COL16A1: variants seen among roughly 807,000 people sequenced by gnomAD.
COL16A1 encodes the protein collagen type XVI alpha 1 chain.
COL16A1 carries 189 observed loss-of-function variants against 266.3 expected under a neutral mutation model. That is an observed-to-expected ratio of 0.71 (90% CI 0.63 to 0.80). The LOEUF (loss-of-function observed/expected upper bound fraction) is 0.80. Among genes scored for constraint, COL16A1 ranks in the 30% least tolerant of loss-of-function variants. The pLI is 0.00. For missense variants in COL16A1, 1,928 were observed against 2,122.4 expected (o/e 0.91, Z 1.80); for synonymous variants, 740 against 782.3 (o/e 0.95, Z 0.90).
In COL16A1 at chr1:31,698,526, G is replaced by A. The variant is rs34091659; in HGVS notation, c.347C>T (p.Thr116Met). The change falls in exon 5 of 71, where the codon ACG becomes ATG. Residue 116 changes from threonine to methionine, a missense_variant. Around this residue, in one of 2 missense-constraint regions of COL16A1, gnomAD observed 1,552 missense variants for 1,637.2 expected, o/e 0.95. Coordinates refer to ENST00000373672, the MANE Select transcript of COL16A1 (RefSeq NM_001856.4). The surrounding 1 kb of genome is among the most constrained non-coding windows in gnomAD (Gnocchi z 4.1). Reference sequence around the variant, plus strand: ...ATCGGTCACTTGAAACAGATACCACGTCTTCTGGTGGGTGTGTTTCTTCAG... The same window carrying A: ...ATCGGTCACTTGAAACAGATACCACATCTTCTGGTGGGTGTGTTTCTTCAG... ...LLLKKHTHQK[T>M]WYLFQVTDAN... 1.1e-3 allele frequency: 1,759 copies of A among 1,614,108 alleles called. 15 individuals carry two copies. In the African/African-American group the frequency reaches 0.02, roughly 19 times the overall value.
chr1:31,695,079 G>A, intron 11 of COL16A1, 107 bp downstream of exon 11: 1 of 1,174,576 alleles, frequency 8.5e-7, no homozygotes, highest in South Asian at 1.3e-5. Flanking sequence ...GTGTGAAAGT[G>A]TACAAAGACC....
In COL16A1 at chr1:31,668,890, C is replaced by T. The variant is rs2271929; in HGVS notation, c.3196-35G>A. 4.4e-6 allele frequency: 7 copies of T among 1,603,118 alleles called. No individual in the cohort carries two copies. The highest frequency in any genetic ancestry group is 1.7e-5 in the Admixed American group (1 of 59,200). The stretch of plus-strand genomic sequence containing the variant: ...AAAAATCATGAGAAACTGCAGGAGC[C>T]GGCGGTCCCCACCCAGCCCCTGACT... On this transcript the variant is annotated intron_variant, in intron 49 of 70. Coordinates refer to ENST00000373672, the MANE Select transcript of COL16A1 (RefSeq NM_001856.4). This position sits in a 1 kb window ranked among gnomAD's most constrained non-coding sequence, Gnocchi z 5.8.
At chr1:31,659,020 G>GCCTCCC in intron 62 of COL16A1, 56 bp from the exon 63 acceptor site, 2 of 1,492,610 alleles carry the variant, frequency 1.3e-6, no homozygotes, top group Non-Finnish European at 1.8e-6. Context: ...AGACCCCTGG[G>GCCTCCC]AGGCACAGGG....
chr1:31,668,108 C>T lies in COL16A1; in HGVS notation c.3303+57G>A. 6.6e-7 allele frequency: 1 copy of T among 1,506,504 alleles called. No individual in the cohort carries two copies. The allele number at this position is 1,506,504 out of a possible 1,614,324, so 93.3% of individuals were successfully genotyped here. The stretch of plus-strand genomic sequence containing the variant: ...GCCCAGCCTGGCTGTGTCCTGACCA[C>T]CAGCCCAAACCTCTGGTACCTGGCA... On this transcript the variant is annotated intron_variant, in intron 51 of 70. Transcript: ENST00000373672. The surrounding 1 kb of genome is among the most constrained non-coding windows in gnomAD (Gnocchi z 5.8).
rs900980139 is a variant in COL16A1 at position 31,657,264 on chromosome 1, G to A, written c.4021-196C>T. 6.6e-5 allele frequency: 41 copies of A among 624,216 alleles called. No homozygotes were observed. In the African/African-American group the frequency reaches 6.6e-4, roughly 10 times the overall value. 38.7% of individuals were successfully genotyped at this position (624,216 alleles called of 1,614,324 possible). ...CCCCATACTCCAGCGTGATCCCAGAGCCCCAACAGCTCCCAGCCCCCGTCT... is the reference window on the plus strand; with the variant it reads ...CCCCATACTCCAGCGTGATCCCAGAACCCCAACAGCTCCCAGCCCCCGTCT... On this transcript the variant is annotated intron_variant, in intron 64 of 70. Transcript: ENST00000373672. This position sits in a 1 kb window ranked among gnomAD's most constrained non-coding sequence, Gnocchi z 6.4.
rs1642239303 is a variant in COL16A1 at position 31,667,522 on chromosome 1, CTGTG to C, written c.3357+49_3357+52del. The C allele has an allele frequency of 2.0e-6, 3 of 1,480,370 alleles. No homozygotes were observed. In the South Asian group the frequency reaches 3.6e-5, roughly 18 times the overall value. 91.7% of individuals were successfully genotyped at this position (1,480,370 alleles called of 1,614,324 possible). ...CTGCTGCCAAGTCTCCAGCCCGAGACTGTGTGGCTCCACGTGCAGCCCTGCATCC... is the reference window on the plus strand; with the variant it reads ...CTGCTGCCAAGTCTCCAGCCCGAGACTGGCTCCACGTGCAGCCCTGCATCC... On this transcript the variant is annotated intron_variant, in intron 52 of 70. Coordinates refer to ENST00000373672, the MANE Select transcript of COL16A1 (RefSeq NM_001856.4).
chr1:31,696,993 G>A lies in COL16A1; in HGVS notation c.834C>T (p.Cys278=), dbSNP rs1644530862. 7 of 1,614,152 alleles carry A rather than the reference G, an allele frequency of 4.3e-6. No homozygotes were observed. The highest frequency in any genetic ancestry group is 5.9e-6 in the Non-Finnish European group (7 of 1,180,022). The change falls in exon 8 of 71, where the codon TGC becomes TGT. Residue 278 remains cysteine (C), a synonymous_variant. Coordinates refer to ENST00000373672, the MANE Select transcript of COL16A1 (RefSeq NM_001856.4). Reference sequence around the variant, plus strand: ...TGTTTTGAGGCTCCTCCAGGCAGAAGCAGCGGGTGTAGACCTTGCCTTCAG... The same window carrying A: ...TGTTTTGAGGCTCCTCCAGGCAGAAACAGCGGGTGTAGACCTTGCCTTCAG... The part of the protein sequence containing the change: ...PQSEGKVYTR[C]FCLEEPQNSE...
chr1:31,670,005 A>C lies in COL16A1; in HGVS notation c.3195+597T>G, dbSNP rs1429987651. On this transcript the variant is annotated intron_variant, in intron 49 of 70. Transcript: ENST00000373672. The surrounding 1 kb of genome is among the most constrained non-coding windows in gnomAD (Gnocchi z 4.5). The stretch of plus-strand genomic sequence containing the variant: ...GAGGAGGCAGCTGAGAGTTTCCTCT[A>C]GGACGACGGAAAAGGCGCAGGAAGG... 1.3e-5 allele frequency: 2 copies of C among 152,400 alleles called. No homozygotes were observed. Among genetic ancestry groups the C allele is most frequent in the African/African-American group, 4.8e-5 (2 of 41,458 alleles). 9.4% of individuals were successfully genotyped at this position (152,400 alleles called of 1,614,324 possible).
In COL16A1 at chr1:31,658,593, G is replaced by T; in HGVS notation, c.3931-16C>A. On this transcript the variant is annotated splice_polypyrimidine_tract_variant and intron_variant, in intron 63 of 70. Coordinates refer to ENST00000373672, the MANE Select transcript of COL16A1 (RefSeq NM_001856.4). The stretch of plus-strand genomic sequence containing the variant: ...CTTTCAGACCCTAGAGAATAGGAAG[G>T]GGGACAGTGAGAGGGGAGGAAAGCA... 1 of 1,591,374 alleles carries T rather than the reference G, an allele frequency of 6.3e-7. No individual in the cohort carries two copies.
At position 31,665,888 on chromosome 1, in the gene COL16A1, G is replaced by A. The variant is rs778638036; in HGVS notation, c.3450C>T (p.Gly1150=). 17 of 1,614,106 alleles carry A rather than the reference G, an allele frequency of 1.1e-5. No individual in the cohort carries two copies. Among genetic ancestry groups the A allele is most frequent in the East Asian group, 4.5e-5 (2 of 44,872 alleles). ...GGTCCCAGTCGTCACTCACCTGGTC[G>A]CCCTTCTCACCGGAGTTACCTTGGG... ...RGPQGNSGEK[G]DQGFQGQPGF... The change falls in exon 54 of 71, where the codon GGC becomes GGT. Residue 1150 remains glycine (G), a synonymous_variant. Transcript: ENST00000373672.
Position 31,652,909 on chromosome 1 carries a change from A to C in COL16A1, c.4613-56T>G. Reference sequence around the variant, plus strand: ...CAGAAGACCCAGATCATAAGGGAAAAGAAGCCATAATGGCATCAAATAATA... The same window carrying C: ...CAGAAGACCCAGATCATAAGGGAAACGAAGCCATAATGGCATCAAATAATA... On this transcript the variant is annotated intron_variant, in intron 70 of 70. Coordinates refer to ENST00000373672, the MANE Select transcript of COL16A1 (RefSeq NM_001856.4). This position sits in a 1 kb window ranked among gnomAD's most constrained non-coding sequence, Gnocchi z 4.8. 1.4e-6 allele frequency: 2 copies of C among 1,404,816 alleles called. No homozygotes were observed. Among genetic ancestry groups the C allele is most frequent in the Non-Finnish European group, 1.9e-6 (2 of 1,072,082 alleles). 87.0% of individuals were successfully genotyped at this position (1,404,816 alleles called of 1,614,324 possible). A position where few individuals can be genotyped will look rare whatever the true frequency, so the allele number is the denominator to read the frequency against.
Position 31,679,853 on chromosome 1 carries a change from TG to T in COL16A1, c.2671-3del. The T allele has an allele frequency of 2.0e-6, 3 of 1,514,908 alleles. No homozygotes were observed. The highest frequency in any genetic ancestry group is 2.6e-5 in the South Asian group (2 of 76,780). 93.8% of individuals were successfully genotyped at this position (1,514,908 alleles called of 1,614,324 possible). ...GCCCATCCAAAGTCCCGGAGCACCC[TG>T]GGTGGGAGTGGGGGTCGCAAAAGAA... On this transcript the variant is annotated splice_region_variant and splice_polypyrimidine_tract_variant and intron_variant, in intron 40 of 70. Transcript: ENST00000373672.
rs1643919783 is a variant in COL16A1 at position 31,685,453 on chromosome 1, T to C, written c.2016+186A>G. On this transcript the variant is annotated intron_variant, in intron 29 of 70. Coordinates refer to ENST00000373672, the MANE Select transcript of COL16A1 (RefSeq NM_001856.4). The surrounding 1 kb of genome is among the most constrained non-coding windows in gnomAD (Gnocchi z 4.0). The stretch of plus-strand genomic sequence containing the variant: ...TTTCTGCCCACTCTGCCATACTCTG[T>C]CCCAGGATAAAGGGCAGAGACCTGT... 6.6e-6 allele frequency among the ~76,000 whole-genome samples: 1 copy of C among 152,010 alleles called. No homozygotes were observed. Among genetic ancestry groups the C allele is most frequent in the African/African-American group, 2.4e-5 (1 of 41,376 alleles).
At position 31,657,976 on chromosome 1, in the gene COL16A1, A is replaced by C. The variant is rs1195004865; in HGVS notation, c.4020+512T>G. 6.6e-6 allele frequency among the ~76,000 whole-genome samples: 1 copy of C among 152,174 alleles called. No individual in the cohort carries two copies. Among genetic ancestry groups the C allele is most frequent in the African/African-American group, 2.4e-5 (1 of 41,442 alleles). On this transcript the variant is annotated intron_variant, in intron 64 of 70. Transcript: ENST00000373672. The surrounding 1 kb of genome is among the most constrained non-coding windows in gnomAD (Gnocchi z 6.4). ...TCATCTGTAAAATGGGGACAATCAG[A>C]TCCACTAAATGGGGCTGCGGCACAG...
In COL16A1 at chr1:31,697,755, G is replaced by A. The variant is rs1644560748; in HGVS notation, c.657+151C>T. The A allele has an allele frequency of 1.1e-6, 1 of 924,846 alleles. No homozygotes were observed. The highest frequency in any genetic ancestry group is 1.6e-6 in the Non-Finnish European group (1 of 611,108). 57.3% of individuals were successfully genotyped at this position (924,846 alleles called of 1,614,324 possible). On this transcript the variant is annotated intron_variant, in intron 6 of 70. Transcript: ENST00000373672. The surrounding 1 kb of genome is among the most constrained non-coding windows in gnomAD (Gnocchi z 4.2). ...AGATCATGAAGGGCCTTGAATGCCAGGTGAATATGTTTAGGCTGCATTTGG... is the reference window on the plus strand; with the variant it reads ...AGATCATGAAGGGCCTTGAATGCCAAGTGAATATGTTTAGGCTGCATTTGG...
chr1:31,694,402 G>A (rs574648738), intron 11 of COL16A1, among the ~76,000 whole-genome samples: 15 of 152,338 alleles, frequency 9.8e-5, no homozygotes, highest in African/African-American at 3.6e-4. Context: ...GCTTTGGTTA[G>A]CTCCGCCTCC....
chr1:31,698,441 C>T lies in COL16A1; in HGVS notation c.390+42G>A, dbSNP rs769313512. 1.1e-5 allele frequency: 18 copies of T among 1,612,032 alleles called. No homozygotes were observed. The East Asian group carries it at 3.8e-4, about 34-fold the overall frequency. ...TGAAAGGTGGGCTGGACTGGTGCTACCCAATGCCCTAAGAGGCAATCAGGG... is the reference window on the plus strand; with the variant it reads ...TGAAAGGTGGGCTGGACTGGTGCTATCCAATGCCCTAAGAGGCAATCAGGG... On this transcript the variant is annotated intron_variant, in intron 5 of 70. Transcript: ENST00000373672. The surrounding 1 kb of genome is among the most constrained non-coding windows in gnomAD (Gnocchi z 4.1).
intron 66 of COL16A1, chr1:31,655,856 T>C: frequency 3.1e-6 from 1 of 324,580 alleles, no homozygotes; most frequent in Non-Finnish European, 5.7e-6. Flanking sequence ...GATTCTCTGA[T>C]TCTGCCATGT....
intron 42 of COL16A1, among the ~76,000 whole-genome samples, chr1:31,675,660 CTTTTTTCT>C (rs1299353909): frequency 6.6e-6 from 1 of 151,914 alleles, no homozygotes; most frequent in Non-Finnish European, 1.5e-5. Flanking sequence ...CTTTCCTTTT[CTTTTTTCT>C]TTTTTTCTTT....
Sources: gnomAD v4.1 joint callset for allele counts (sites outside exome capture counted in the v4.1 genomes callset) on GRCh38, gnomAD v4.1.1 for gene constraint, gnomAD v4.1.1 regional missense constraint, Gnocchi (gnomAD v3.1) non-coding constraint, MANE v1.5 for transcripts, NCBI Gene and HGNC (gene_info 2026-07-23, HGNC 2026-07-21) for gene names.